INPP5F: variants seen among roughly 807,000 people sequenced by gnomAD.
The protein encoded by INPP5F is phosphatidylinositide 4-phosphatase SAC2.
Under a neutral mutation model 137.2 loss-of-function variants are expected in INPP5F, and 97 were observed. The observed-to-expected ratio is 0.71, with a 90% CI of 0.60 to 0.84. The LOEUF is 0.84. INPP5F is among the 40% of genes least tolerant of loss of function. The probability of loss-of-function intolerance (pLI) is 0.00; values close to 1 mark genes in which losing one functional copy is unlikely to be tolerated. For missense variants in INPP5F, 1,271 were observed against 1,371.9 expected (o/e 0.93, Z 1.16); for synonymous variants, 504 against 476.9 (o/e 1.06, Z -0.74).
intron 9 of INPP5F, 77 bp from the exon 10 acceptor site, chr10:119,804,096 T>C: frequency 9.7e-7 from 1 of 1,033,626 alleles, no homozygotes. Context: ...ACTGTGATTC[T>C]AACATCTAAT....
chr10:119,775,902 G>A (rs1196577519), intron 2 of INPP5F, among the ~76,000 whole-genome samples: 1 of 152,154 alleles, frequency 6.6e-6, no homozygotes. Flanking sequence ...TGTTAGCAGG[G>A]TGTAGTGGTA....
chr10:119,778,987 C>T (rs1041407908), intron 2 of INPP5F, among the ~76,000 whole-genome samples: 1 of 152,022 alleles, frequency 6.6e-6, no homozygotes, highest in African/African-American at 2.4e-5. Context: ...TTGTCATTTC[C>T]CCTTCATCTC....
chr10:119,784,720 C>T (rs1449377435), intron 3 of INPP5F, among the ~76,000 whole-genome samples: 1 of 152,212 alleles, frequency 6.6e-6, no homozygotes, highest in Non-Finnish European at 1.5e-5. Flanking sequence ...AAATACCTTA[C>T]AGTTCACCCG....
chr10:119,758,838 G>A (rs775106698), intron 2 of INPP5F, among the ~76,000 whole-genome samples: 1 of 152,154 alleles, frequency 6.6e-6, no homozygotes, highest in Non-Finnish European at 1.5e-5. Context: ...TAGTGGTGAC[G>A]ATGTCTCAGT....
chr10:119,791,980 A>G lies in INPP5F; in HGVS notation c.556A>G (p.Asn186Asp). Residue 186 changes from asparagine (N) to aspartate (D), a missense_variant, in exon 5 of 20, where the codon AAT becomes GAT. Asn to Asp is a conservative substitution (Grantham distance 23). Around this residue, in one of 6 missense-constraint regions of INPP5F, gnomAD observed 593 missense variants for 712.4 expected, o/e 0.83. Transcript: ENST00000650623. ...FYYSLTYDLT[N>D]SVQRQSTGER... ...TTATAGCTTGACCTATGACCTGACC[A>G]ATTCCGTGCAGAGGCAGAGCACTGG... is the stretch of plus-strand genomic sequence containing the variant. 6.2e-7 allele frequency: 1 copy of G among 1,614,214 alleles called. No homozygotes were observed. The highest frequency in any genetic ancestry group is 8.5e-7 in the Non-Finnish European group (1 of 1,180,040).
At chr10:119,728,010 C>T (rs1258421421) in intron 1 of INPP5F, among the ~76,000 whole-genome samples, 2 of 152,350 alleles carry the variant, frequency 1.3e-5, no homozygotes, top group Admixed American at 6.5e-5. Context: ...AACTTTTCTA[C>T]ACCCCAGTTT....
rs1851836044 is a variant in INPP5F at position 119,827,840 on chromosome 10, T to G, written c.*60T>G. On this transcript the variant is annotated 3_prime_UTR_variant, in exon 20 of 20. Coordinates refer to ENST00000650623, the MANE Select transcript of INPP5F (RefSeq NM_014937.4). The stretch of plus-strand genomic sequence containing the variant: ...TTAAAAATATGAAATTTTCACCTCT[T>G]GGGGTATTTTAATTGTACTGTCTGA... 1.6e-6 allele frequency: 2 copies of G among 1,223,572 alleles called. No individual in the cohort carries two copies. Among genetic ancestry groups the G allele is most frequent in the Non-Finnish European group, 2.3e-6 (2 of 873,448 alleles). The allele number at this position is 1,223,572 out of a possible 1,614,324, so 75.8% of individuals were successfully genotyped here. A position where few individuals can be genotyped will look rare whatever the true frequency, so the allele number is the denominator to read the frequency against.
intron 2 of INPP5F, among the ~76,000 whole-genome samples, chr10:119,752,756 T>C (rs963282348): frequency 3.9e-5 from 6 of 152,042 alleles, no homozygotes; most frequent in Non-Finnish European, 7.4e-5. Flanking sequence ...CCTAAAGATG[T>C]TGCTAAGGGT....
intron 2 of INPP5F, among the ~76,000 whole-genome samples, chr10:119,765,766 T>C (rs994139223): frequency 3.4e-5 from 5 of 149,150 alleles, no homozygotes; most frequent in Non-Finnish European, 7.4e-5. Context: ...TGTGTGTGTG[T>C]GTGTGTGTGT....
rs149889046 is a variant in INPP5F at position 119,796,904 on chromosome 10, C to T, written c.859C>T (p.His287Tyr). Residue 287 changes from histidine to tyrosine, a missense_variant, in exon 7 of 20, where the codon CAC becomes TAC. By Grantham distance (83) the His-to-Tyr change is moderately conservative. Around this residue, in one of 6 missense-constraint regions of INPP5F, gnomAD observed 593 missense variants for 712.4 expected, o/e 0.83. Coordinates refer to ENST00000650623, the MANE Select transcript of INPP5F (RefSeq NM_014937.4). ...LVALISRRSRHRAGMRYKRRG... is the reference protein window; with the variant it reads ...LVALISRRSRYRAGMRYKRRG... Reference sequence around the variant, plus strand: ...GGCTCTCATTTCACGCCGAAGTAGGCACAGAGCAGGTGAGTGGAGGGCTGT... The same window carrying T: ...GGCTCTCATTTCACGCCGAAGTAGGTACAGAGCAGGTGAGTGGAGGGCTGT... The T allele has an allele frequency of 9.3e-6, 15 of 1,613,708 alleles. No individual in the cohort carries two copies. The highest frequency in any genetic ancestry group is 1.3e-5 in the Non-Finnish European group (15 of 1,179,696).
intron 16 of INPP5F, among the ~76,000 whole-genome samples, chr10:119,821,845 T>C (rs1362960906): frequency 6.6e-6 from 1 of 150,642 alleles, no homozygotes; most frequent in Non-Finnish European, 1.5e-5. Flanking sequence ...AAACTTAAAA[T>C]ATTTTAACCT....
intron 2 of INPP5F, among the ~76,000 whole-genome samples, chr10:119,772,717 G>A (rs184677786): frequency 8.5e-4 from 129 of 151,986 alleles, no homozygotes; most frequent in African/African-American, 2.9e-3. Flanking sequence ...CTTTTTTTTC[G>A]TGTGGAGAAC....
In INPP5F at chr10:119,826,770, A is replaced by G. The variant is rs1180368678; in HGVS notation, c.2389A>G (p.Ile797Val). ...GAAGCAGACCAAATCCAATGTAAAT[A>G]TTGGCAACCTCCGAAAGCTAGGAAA... Reference protein sequence around the residue: ...KVKQTKSNVNIGNLRKLGNFT... With the variant: ...KVKQTKSNVNVGNLRKLGNFT... The change falls in exon 20 of 20, where the codon ATT (isoleucine) becomes GTT (valine). Residue 797 changes from isoleucine (I) to valine (V), a missense_variant. By Grantham distance (29) the Ile-to-Val change is conservative (BLOSUM62 3). Around this residue, in one of 6 missense-constraint regions of INPP5F, gnomAD observed 490 missense variants for 443.7 expected, o/e 1.10. Coordinates refer to ENST00000650623, the MANE Select transcript of INPP5F (RefSeq NM_014937.4). 1 of 1,613,868 alleles carries G rather than the reference A, an allele frequency of 6.2e-7. No individual in the cohort carries two copies. Among genetic ancestry groups the G allele is most frequent in the East Asian group, 2.2e-5 (1 of 44,894 alleles).
rs1056854297 is a variant in INPP5F at position 119,782,060 on chromosome 10, G to C, written c.315+289G>C. ...CCTGGGAAGCCACCTTCTGTTTCCA[G>C]GGTGCCCTAGGGCTCTGCACAGTAC... On this transcript the variant is annotated intron_variant, in intron 3 of 19. Coordinates refer to ENST00000650623, the MANE Select transcript of INPP5F (RefSeq NM_014937.4). 2.6e-5 allele frequency among the ~76,000 whole-genome samples: 4 copies of C among 152,248 alleles called. No homozygotes were observed. The South Asian group carries it at 8.3e-4, about 32-fold the overall frequency.
chr10:119,742,635 C>T (rs1003448352), intron 1 of INPP5F, among the ~76,000 whole-genome samples: 4 of 152,004 alleles, frequency 2.6e-5, no homozygotes, highest in Admixed American at 6.6e-5. Context: ...AGCTGAAAGC[C>T]CCATACAAAC....
Position 119,791,576 on chromosome 10 carries a change from T to C in INPP5F, c.375T>C (p.Asp125=), listed in dbSNP as rs1850146484. The change falls in exon 4 of 20, where the codon GAT becomes GAC. Residue 125 remains aspartate (D), a synonymous_variant. Transcript: ENST00000650623. The part of the protein sequence containing the change: ...NKPEKIIPSP[D]DSKFLLKTFT... ...CAGAGAAGATCATACCATCTCCTGA[T>C]GACTCAAAGTTTCTACTGAAGACCT... 3 of 1,601,350 alleles carry C rather than the reference T, an allele frequency of 1.9e-6. No homozygotes were observed. Among genetic ancestry groups the C allele is most frequent in the African/African-American group, 1.3e-5 (1 of 74,688 alleles).
Position 119,752,542 on chromosome 10 carries a change from G to A in INPP5F, c.178+1386G>A, listed in dbSNP as rs192241776. Among the ~76,000 whole-genome samples, 3 of 145,128 alleles carry A rather than the reference G, an allele frequency of 2.1e-5. No homozygotes were observed. The East Asian group carries it at 6.0e-4, about 29-fold the overall frequency. ...GGTGGTTGCAGTGAGCCGAGATTGCGCCATTGCACTCCAGCCTGGGCAACA... is the reference window on the plus strand; with the variant it reads ...GGTGGTTGCAGTGAGCCGAGATTGCACCATTGCACTCCAGCCTGGGCAACA... On this transcript the variant is annotated intron_variant, in intron 2 of 19. Coordinates refer to ENST00000650623, the MANE Select transcript of INPP5F (RefSeq NM_014937.4).
At chr10:119,737,424 C>A (rs35727207) in intron 1 of INPP5F, among the ~76,000 whole-genome samples, 5,935 of 152,146 alleles carry the variant, frequency 0.039, 172 homozygotes, top group South Asian at 0.13. Context: ...AGTAGAATCA[C>A]CAGGGGGAGA....
At chr10:119,818,836 G>T (rs576313007) in intron 15 of INPP5F, 1 of 152,414 alleles carries the variant, frequency 6.6e-6, no homozygotes, top group Admixed American at 6.5e-5. Flanking sequence ...ACAGGCCTCC[G>T]CCTACCGCGC....
Sources: allele counts gnomAD v4.1 joint callset (sites outside exome capture counted in the v4.1 genomes callset), GRCh38; gene constraint gnomAD v4.1.1; regional missense constraint gnomAD v4.1.1; transcripts MANE v1.5; gene names NCBI Gene and HGNC (gene_info 2026-07-23, HGNC 2026-07-21).